CATSPERT: variants seen among roughly 807,000 people sequenced by gnomAD.
The protein encoded by CATSPERT is cation channel sperm-associated targeting subunit tau.
At chr2:201,541,622 A>G in the CATSPERT span, among the ~76,000 whole-genome samples, 1 of 146,992 alleles carries the variant, frequency 6.8e-6, no homozygotes, top group East Asian at 2.0e-4. Flanking sequence ...ACAGAGTCTC[A>G]TCTCACTCTG....
the CATSPERT span, among the ~76,000 whole-genome samples, chr2:201,612,303 G>A: frequency 1.3e-5 from 2 of 152,048 alleles, no homozygotes; most frequent in East Asian, 3.9e-4. Context: ...GGCCGGGCAC[G>A]GTGGCTCACA....
chr2:201,588,026 C>T, the CATSPERT span, among the ~76,000 whole-genome samples: 1 of 151,144 alleles, frequency 6.6e-6, no homozygotes, highest in Admixed American at 6.6e-5. Context: ...CCAGAAAAAG[C>T]CCAAGACCAG....
At chr2:201,529,694 G>A in the CATSPERT span, among the ~76,000 whole-genome samples, 2 of 152,142 alleles carry the variant, frequency 1.3e-5, no homozygotes, top group Non-Finnish European at 2.9e-5. Context: ...ACTGGTCTAT[G>A]CAATGATTTC....
At chr2:201,506,984 C>A in the CATSPERT span, among the ~76,000 whole-genome samples, 46 of 152,286 alleles carry the variant, frequency 3.0e-4, no homozygotes, top group African/African-American at 1.1e-3. Context: ...GAATCTGTAA[C>A]AAGAATGCCT....
At chr2:201,572,014 G>C in the CATSPERT span, 1 of 1,611,024 alleles carries the variant, frequency 6.2e-7, no homozygotes, top group African/African-American at 1.3e-5. Flanking sequence ...TTCTGAAGAG[G>C]TTTTAACTGA....
chr2:201,609,380 C>T, the CATSPERT span, among the ~76,000 whole-genome samples: 17 of 152,226 alleles, frequency 1.1e-4, no homozygotes, highest in African/African-American at 3.4e-4. Flanking sequence ...CAACAGCTAC[C>T]GAATACATAC....
At chr2:201,528,391 C>A in the CATSPERT span, among the ~76,000 whole-genome samples, 1 of 152,158 alleles carries the variant, frequency 6.6e-6, no homozygotes, top group Non-Finnish European at 1.5e-5. Flanking sequence ...TACCACTTGA[C>A]CCAGCAATCC....
chr2:201,597,402 T>C, the CATSPERT span, among the ~76,000 whole-genome samples: 1 of 152,242 alleles, frequency 6.6e-6, no homozygotes, highest in South Asian at 2.1e-4. Flanking sequence ...CATAGATTTC[T>C]GGGCTCTTTA....
the CATSPERT span, among the ~76,000 whole-genome samples, chr2:201,558,775 G>A: frequency 0.47 from 71,122 of 151,952 alleles, 17,203 homozygotes; most frequent in Non-Finnish European, 0.53. Context: ...ACAGCACAGT[G>A]CCATCTTGAA....
chr2:201,572,116 T>C, the CATSPERT span: 2 of 846,522 alleles, frequency 2.4e-6, no homozygotes, highest in South Asian at 3.2e-5. Flanking sequence ...ATGCTATGAA[T>C]ACCCCAGGAC....
the CATSPERT span, chr2:201,535,716 C>T: frequency 3.0e-6 from 4 of 1,324,420 alleles, no homozygotes; most frequent in African/African-American, 1.5e-5. Context: ...ATTTAATATA[C>T]TTAGACACAT....
At chr2:201,581,297 TGGGGAG>T in the CATSPERT span, among the ~76,000 whole-genome samples, 1 of 150,580 alleles carries the variant, frequency 6.6e-6, no homozygotes, top group South Asian at 2.1e-4. Flanking sequence ...TCCCAGATAG[TGGGGAG>T]GCTGAGGCAG....
chr2:201,492,270 A>G, the CATSPERT span: 1 of 1,533,386 alleles, frequency 6.5e-7, no homozygotes, highest in South Asian at 1.2e-5. Flanking sequence ...ATGGTATAGA[A>G]CTAGAATTAA....
the CATSPERT span, among the ~76,000 whole-genome samples, chr2:201,498,015 A>T: frequency 6.6e-6 from 1 of 152,174 alleles, no homozygotes; most frequent in Non-Finnish European, 1.5e-5. Flanking sequence ...CATAACCTTA[A>T]ACAATAGTTA....
chr2:201,541,566 T>C, the CATSPERT span, among the ~76,000 whole-genome samples: 1 of 68,916 alleles, frequency 1.5e-5, no homozygotes, highest in African/African-American at 4.6e-5. Flanking sequence ...TATATATATA[T>C]ATATATATAT....
chr2:201,557,902 C>T, the CATSPERT span: 1 of 152,168 alleles, frequency 6.6e-6, no homozygotes, highest in Non-Finnish European at 1.5e-5. Context: ...TCATTCATAA[C>T]CTTAATGATG....
chr2:201,550,117 T>G, the CATSPERT span: 1 of 152,196 alleles, frequency 6.6e-6, no homozygotes, highest in Non-Finnish European at 1.5e-5. Context: ...ATCCATAAGC[T>G]GTTCCATCAT....
the CATSPERT span, chr2:201,491,251 G>C: frequency 1.3e-6 from 2 of 1,537,936 alleles, no homozygotes; most frequent in Non-Finnish European, 1.7e-6. Flanking sequence ...GGGCAGTGTG[G>C]TTGGTAGTAT....
the CATSPERT span, among the ~76,000 whole-genome samples, chr2:201,578,310 A>C: frequency 2.6e-5 from 4 of 152,150 alleles, no homozygotes; most frequent in Non-Finnish European, 5.9e-5. Context: ...AGAAAATGCA[A>C]AAACCTTGCA....
Sources: allele counts gnomAD v4.1 joint callset (sites outside exome capture counted in the v4.1 genomes callset), GRCh38; gene constraint gnomAD v4.1.1; transcripts MANE v1.5; gene names NCBI Gene and HGNC (gene_info 2026-07-23, HGNC 2026-07-21).